The following GABRA3 variants were observed in gnomAD, a reference collection of about 807,000 sequenced individuals.
The protein encoded by GABRA3 is gamma-aminobutyric acid receptor subunit alpha-3.
Under a neutral mutation model 30.1 loss-of-function variants are expected in GABRA3, and 10 were observed. The observed-to-expected ratio is 0.33, with a 90% CI of 0.20 to 0.56. The LOEUF is 0.56. Ranked by LOEUF, GABRA3 falls within the 20% of genes least tolerant of loss-of-function variation. The pLI, the probability that GABRA3 is intolerant of heterozygous loss-of-function variation, is 0.89. For missense variants in GABRA3, 233 were observed against 392.0 expected, an observed-to-expected ratio of 0.59 and a Z score of 3.42; for synonymous variants, 151 against 146.8, an observed-to-expected ratio of 1.03 and a Z score of -0.21.
At chrX:152,226,058 A>C (rs1457204607) in intron 5 of GABRA3, among the ~76,000 whole-genome samples, 1 of 111,367 alleles carries the variant, frequency 9.0e-6, no homozygotes, top group Non-Finnish European at 1.9e-5. Context: ...TTACCAAAGA[A>C]GCCTGTGGGG....
intron 1 of GABRA3, among the ~76,000 whole-genome samples, chrX:152,436,505 T>C (rs1444953316): frequency 9.0e-6 from 1 of 111,481 alleles, no homozygotes; most frequent in Non-Finnish European, 1.9e-5. Context: ...ATTATAATAA[T>C]TGATGCAGCA....
chrX:152,377,507 G>A (rs931648924), intron 1 of GABRA3, among the ~76,000 whole-genome samples: 2 of 110,099 alleles, frequency 1.8e-5, no homozygotes, highest in African/African-American at 6.6e-5. Flanking sequence ...GAATAATTAA[G>A]GCAGCAAAAC....
rs938893817 is a variant in GABRA3, at chrX:152,408,670, A to G, written c.-27+42476T>C. ...CCACAGATTCAATGTAGTCCCTATCAAAATGCCAAAGATATTCTTCACAGA... is the reference window on the plus strand; with the variant it reads ...CCACAGATTCAATGTAGTCCCTATCGAAATGCCAAAGATATTCTTCACAGA... On this transcript the variant is annotated intron_variant, in intron 1 of 9. Transcript: ENST00000370314. Among the ~76,000 whole-genome samples, 3 of 110,460 alleles carry G rather than the reference A, an allele frequency of 2.7e-5. No homozygotes were observed. In the Admixed American group the frequency reaches 2.9e-4, roughly 11 times the overall value.
At chrX:152,370,712 T>C (rs1489673028) in intron 1 of GABRA3, among the ~76,000 whole-genome samples, 1 of 111,508 alleles carries the variant, frequency 9.0e-6, no homozygotes, top group Non-Finnish European at 1.9e-5. Flanking sequence ...CTCAGCTCTA[T>C]CCTAATCCAT....
intron 8 of GABRA3, among the ~76,000 whole-genome samples, chrX:152,195,635 C>T (rs910090882): frequency 1.8e-5 from 2 of 111,319 alleles, no homozygotes; most frequent in African/African-American, 3.3e-5. Flanking sequence ...TCTTCAAATC[C>T]GACAGCAGAG....
Position 152,206,213 on chromosome X carries a change from C to G in GABRA3, c.778+1788G>C, listed in dbSNP as rs984085981. On this transcript the variant is annotated intron_variant, in intron 7 of 9. Coordinates refer to ENST00000370314, the MANE Select transcript of GABRA3 (RefSeq NM_000808.4). ...GCAGCAGCAAGGGTGGGCCTTCAGCCTCTAGGGCCCAGCTGTGCAGTGCAC... is the reference window on the plus strand; with the variant it reads ...GCAGCAGCAAGGGTGGGCCTTCAGCGTCTAGGGCCCAGCTGTGCAGTGCAC... Among the ~76,000 whole-genome samples, 4 of 112,801 alleles carry G rather than the reference C, an allele frequency of 3.5e-5. No homozygotes were observed. In the Admixed American group the frequency reaches 3.7e-4, roughly 11 times the overall value.
intron 8 of GABRA3, among the ~76,000 whole-genome samples, chrX:152,191,031 G>A (rs957623915): frequency 9.2e-6 from 1 of 108,917 alleles, no homozygotes; most frequent in Non-Finnish European, 1.9e-5. Context: ...TAAAAGGGGG[G>A]TAATAACACC....
chrX:152,252,855 G>C (rs1938580137), intron 5 of GABRA3, among the ~76,000 whole-genome samples: 1 of 111,407 alleles, frequency 9.0e-6, no homozygotes, highest in Non-Finnish European at 1.9e-5. Context: ...ACTTACTGTG[G>C]CCAGGGGAAG....
At chrX:152,328,070 C>A (rs1033912711) in intron 3 of GABRA3, among the ~76,000 whole-genome samples, 1 of 111,813 alleles carries the variant, frequency 8.9e-6, no homozygotes, top group Admixed American at 9.5e-5. Context: ...ATACTATAAA[C>A]ACCTACACAA....
intron 3 of GABRA3, among the ~76,000 whole-genome samples, chrX:152,326,010 T>A (rs1040512410): frequency 1.0e-3 from 115 of 111,172 alleles, no homozygotes; most frequent in African/African-American, 3.6e-3. Context: ...AGACCTTTAA[T>A]GACCTGACGG....
chrX:152,250,907 T>C (rs1397159781), intron 5 of GABRA3, among the ~76,000 whole-genome samples: 1 of 111,372 alleles, frequency 9.0e-6, no homozygotes, highest in Non-Finnish European at 1.9e-5. Context: ...ATTCTAAGTG[T>C]TCTGCAGACC....
Position 152,345,707 on chromosome X carries a change from G to A in GABRA3, c.141-5C>T, listed in dbSNP as rs745646971. ...GGGGCATGCTTAGGAGACAGCCTGA[G>A]GCAATGCAAGGAAAAGAAAAAAAAT... is the stretch of plus-strand genomic sequence containing the variant. On this transcript the variant is annotated splice_region_variant and splice_polypyrimidine_tract_variant and intron_variant, in intron 2 of 9. Transcript: ENST00000370314. The A allele has an allele frequency of 1.7e-6, 2 of 1,160,968 alleles. No homozygotes were observed. The highest frequency in any genetic ancestry group is 2.0e-5 in the African/African-American group (1 of 49,276).
At chrX:152,170,117 C>G (rs1399156693) in intron 9 of GABRA3, among the ~76,000 whole-genome samples, 1 of 112,043 alleles carries the variant, frequency 8.9e-6, no homozygotes, top group African/African-American at 3.2e-5. Flanking sequence ...TGGGAGAAAG[C>G]CTTTTAAGCA....
intron 1 of GABRA3, among the ~76,000 whole-genome samples, chrX:152,446,714 C>A (rs1166290646): frequency 9.0e-6 from 1 of 111,511 alleles, no homozygotes; most frequent in Non-Finnish European, 1.9e-5. Flanking sequence ...TTTTACTGGG[C>A]TACAACAATA....
intron 5 of GABRA3, among the ~76,000 whole-genome samples, chrX:152,226,550 A>G (rs2124383259): frequency 8.9e-6 from 1 of 111,941 alleles, no homozygotes; most frequent in Admixed American, 9.5e-5. Context: ...ATTAAACTAA[A>G]GAGCTTCTGC....
At chrX:152,421,582 T>C (rs755781257) in intron 1 of GABRA3, among the ~76,000 whole-genome samples, 2 of 111,146 alleles carry the variant, frequency 1.8e-5, no homozygotes, top group Non-Finnish European at 3.8e-5. Context: ...CAAAAGACAA[T>C]ACAAATAAGA....
At chrX:152,189,463 A>G (rs964941613) in intron 9 of GABRA3, among the ~76,000 whole-genome samples, 2 of 111,857 alleles carry the variant, frequency 1.8e-5, no homozygotes, top group East Asian at 2.8e-4. Context: ...GTAAGTACCA[A>G]TGGGTGCCCC....
chrX:152,177,205 A>G (rs1303200235), intron 9 of GABRA3, among the ~76,000 whole-genome samples: 1 of 111,968 alleles, frequency 8.9e-6, no homozygotes, highest in Non-Finnish European at 1.9e-5. Context: ...GTCTCAACTG[A>G]GAATCACATA....
intron 1 of GABRA3, among the ~76,000 whole-genome samples, chrX:152,373,540 A>T (rs1469445547): frequency 9.0e-6 from 1 of 111,638 alleles, no homozygotes; most frequent in Non-Finnish European, 1.9e-5. Flanking sequence ...AACTTTGCCA[A>T]CATCTATTGT....
Sources: allele counts gnomAD v4.1 joint callset (sites outside exome capture counted in the v4.1 genomes callset), GRCh38; gene constraint gnomAD v4.1.1; transcripts MANE v1.5; gene names NCBI Gene and HGNC (gene_info 2026-07-23, HGNC 2026-07-21).